Variants in MEIS2 observed in about 807,000 individuals in gnomAD.
MEIS2 encodes homeobox protein Meis2.
MEIS2 carries 9 observed loss-of-function variants against 58.6 expected under a neutral mutation model. That is an observed-to-expected ratio of 0.15 (90% CI 0.09 to 0.27). MEIS2 has a LOEUF of 0.27. Among genes scored for constraint, MEIS2 ranks in the 10% least tolerant of loss-of-function variants. The pLI, the probability that MEIS2 is intolerant of heterozygous loss-of-function variation, is 1.00. For missense variants in MEIS2, 427 were observed against 635.0 expected (o/e 0.67, Z 3.52); for synonymous variants, 221 against 228.4 (o/e 0.97, Z 0.29).
chr15:36,962,550 C>G (rs574438431), intron 8 of MEIS2, among the ~76,000 whole-genome samples: 6 of 151,090 alleles, frequency 4.0e-5, no homozygotes, highest in Non-Finnish European at 7.4e-5. Flanking sequence ...TTTTTACTGT[C>G]GCAGTGTTAT....
intron 8 of MEIS2, 81 bp from the exon 9 acceptor site, chr15:36,950,481 G>T (rs2058716244): frequency 1.5e-6 from 2 of 1,346,008 alleles, no homozygotes; most frequent in Non-Finnish European, 2.1e-6. Flanking sequence ...AACCACCGTT[G>T]GTGATTTCTT....
At chr15:36,896,759 G>A (rs1283341528) in intron 9 of MEIS2, 73 bp from the exon 10 acceptor site, 2 of 1,150,902 alleles carry the variant, frequency 1.7e-6, no homozygotes, top group Admixed American at 1.8e-5. Flanking sequence ...CATGAATGCT[G>A]AGGAGCACAA....
intron 8 of MEIS2, among the ~76,000 whole-genome samples, chr15:36,971,773 CATTACTCTT>C (rs1158405931): frequency 6.6e-6 from 1 of 152,030 alleles, no homozygotes; most frequent in Non-Finnish European, 1.5e-5. Context: ...AAGCAACATG[CATTACTCTT>C]AATACAAATA....
chr15:37,058,771 A>G (rs1395342165), intron 7 of MEIS2, among the ~76,000 whole-genome samples: 1 of 152,202 alleles, frequency 6.6e-6, no homozygotes, highest in Non-Finnish European at 1.5e-5. Flanking sequence ...TCAAGATTCC[A>G]CCACTTTTAC....
At chr15:36,971,537 T>TCAAAAAAAAAAAAAAAAAAA (rs2059564264) in intron 8 of MEIS2, among the ~76,000 whole-genome samples, 1 of 67,086 alleles carries the variant, frequency 1.5e-5, no homozygotes, top group Non-Finnish European at 2.6e-5. Context: ...CTTGTTACAT[T>TCAAAAAAAAAAAAAAAAAAA]AAAAAAAAAA....
At chr15:37,005,932 AT>A (rs1264710470) in intron 8 of MEIS2, among the ~76,000 whole-genome samples, 1 of 152,216 alleles carries the variant, frequency 6.6e-6, no homozygotes, top group East Asian at 1.9e-4. Flanking sequence ...ATGACAAGTT[AT>A]TTCTACGTAT....
At chr15:37,008,686 A>C (rs1476043405) in intron 8 of MEIS2, among the ~76,000 whole-genome samples, 2 of 152,246 alleles carry the variant, frequency 1.3e-5, no homozygotes. Flanking sequence ...ATTTGCTAGA[A>C]AATTATCAAA....
intron 9 of MEIS2, among the ~76,000 whole-genome samples, chr15:36,941,261 GT>G (rs1313322961): frequency 9.9e-5 from 15 of 152,166 alleles, no homozygotes; most frequent in Admixed American, 9.8e-4. Flanking sequence ...CAGGAAACCT[GT>G]GACCAAATTC....
chr15:36,967,140 G>A (rs903722819), intron 8 of MEIS2, among the ~76,000 whole-genome samples: 24 of 152,142 alleles, frequency 1.6e-4, no homozygotes, highest in African/African-American at 4.8e-4. Context: ...GCTCTGTCAT[G>A]TAATGGGAGT....
rs2055776182 is a variant in MEIS2, at chr15:36,889,210, A to G, written c.*2963T>C. 1 of 152,158 alleles carries G rather than the reference A, an allele frequency of 6.6e-6. No homozygotes were observed. The highest frequency in any genetic ancestry group is 6.5e-5 in the Admixed American group (1 of 15,284). The allele number at this position is 152,158 out of a possible 1,614,324, so 9.4% of individuals were successfully genotyped here. On this transcript the variant is annotated 3_prime_UTR_variant, in exon 12 of 12. Coordinates refer to ENST00000561208, the MANE Select transcript of MEIS2 (RefSeq NM_170675.5). ...TGTTTTTATATTACTCTTGTTTTGG[A>G]GAACATAAGCAATTTTATTCAGACT...
chr15:36,904,471 C>A (rs148565944), intron 9 of MEIS2, among the ~76,000 whole-genome samples: 1 of 152,186 alleles, frequency 6.6e-6, no homozygotes, highest in African/African-American at 2.4e-5. Flanking sequence ...ATGAACCACA[C>A]GCTCCTGAGT....
chr15:37,068,955 C>T (rs1890322327), intron 7 of MEIS2, among the ~76,000 whole-genome samples: 3 of 152,220 alleles, frequency 2.0e-5, no homozygotes, highest in Admixed American at 1.3e-4. Context: ...AAATGCCCAA[C>T]ATTTAGTATA....
chr15:37,002,700 A>C (rs928711160), intron 8 of MEIS2, among the ~76,000 whole-genome samples: 5 of 152,124 alleles, frequency 3.3e-5, no homozygotes, highest in Non-Finnish European at 5.9e-5. Context: ...AAGGGGGTGA[A>C]GGAGCTTCGT....
At chr15:37,048,223 A>G (rs956752856) in intron 7 of MEIS2, among the ~76,000 whole-genome samples, 2 of 152,198 alleles carry the variant, frequency 1.3e-5, no homozygotes, top group Non-Finnish European at 2.9e-5. Context: ...TATTAACTAC[A>G]TCAAACCTAT....
chr15:36,999,619 T>A (rs1197719104), intron 8 of MEIS2, among the ~76,000 whole-genome samples: 1 of 152,022 alleles, frequency 6.6e-6, no homozygotes, highest in Non-Finnish European at 1.5e-5. Flanking sequence ...TGTTTCCAGC[T>A]GCATGACAAG....
At chr15:37,029,587 G>A (rs538771907) in intron 8 of MEIS2, among the ~76,000 whole-genome samples, 77 of 152,232 alleles carry the variant, frequency 5.1e-4, no homozygotes, top group African/African-American at 1.8e-3. Flanking sequence ...AAAGAGGTGG[G>A]TAGCACTACA....
chr15:36,911,785 C>T (rs2057039367), intron 9 of MEIS2, among the ~76,000 whole-genome samples: 1 of 152,174 alleles, frequency 6.6e-6, no homozygotes, highest in African/African-American at 2.4e-5. Context: ...TTATTGACTC[C>T]AGGGAGCACA....
chr15:37,025,796 T>C (rs1311690071), intron 8 of MEIS2, among the ~76,000 whole-genome samples: 1 of 151,736 alleles, frequency 6.6e-6, no homozygotes, highest in Non-Finnish European at 1.5e-5. Context: ...ATTTCCAGAC[T>C]GACAACAAAG....
chr15:37,075,675 G>GGA (rs201056321), intron 7 of MEIS2, among the ~76,000 whole-genome samples: 28 of 151,792 alleles, frequency 1.8e-4, no homozygotes, highest in African/African-American at 5.3e-4. Flanking sequence ...GGAAAAGCAG[G>GGA]GAGAGAGAGA....
Sources: gnomAD v4.1 joint callset for allele counts (sites outside exome capture counted in the v4.1 genomes callset) on GRCh38, gnomAD v4.1.1 for gene constraint, MANE v1.5 for transcripts, NCBI Gene and HGNC (gene_info 2026-07-23, HGNC 2026-07-21) for gene names.